The following ABI3BP variants were observed in gnomAD, a reference collection of about 807,000 sequenced individuals.
ABI3BP encodes target of Nesh-SH3.
Under a neutral mutation model 268.6 loss-of-function variants are expected in ABI3BP, and 216 were observed. The ratio of observed to expected loss-of-function variants is 0.80; its 90% confidence interval spans 0.72 to 0.90. The LOEUF is 0.90. Ranked by LOEUF, ABI3BP falls within the 40% of genes least tolerant of loss-of-function variation. The pLI is 0.00. For missense variants in ABI3BP, 2,090 were observed against 2,182.4 expected (o/e 0.96, Z 0.84); for synonymous variants, 730 against 730.0 (o/e 1.00, Z 0.00).
At chr3:100,882,150 A>G (rs1032872703) in intron 6 of ABI3BP, among the ~76,000 whole-genome samples, 8 of 152,204 alleles carry the variant, frequency 5.3e-5, no homozygotes, top group African/African-American at 1.9e-4. Context: ...GTTCATATGA[A>G]TAAAAAAAGT....
intron 63 of ABI3BP, 74 bp downstream of exon 63, chr3:100,765,767 A>T: frequency 3.8e-6 from 4 of 1,066,156 alleles, no homozygotes; most frequent in Non-Finnish European, 5.7e-6. Flanking sequence ...GAAGATGATT[A>T]TCATTTCTTT....
At chr3:100,897,072 C>T (rs1298835909) in intron 4 of ABI3BP, among the ~76,000 whole-genome samples, 1 of 123,066 alleles carries the variant, frequency 8.1e-6, no homozygotes, top group African/African-American at 3.0e-5. Context: ...CTACAAAAAA[C>T]ATAAACATGG....
Position 100,819,312 on chromosome 3 carries a change from G to T in ABI3BP, c.3032-731C>A, listed in dbSNP as rs113584208. Among the ~76,000 whole-genome samples the T allele has an allele frequency of 4.6e-5, 7 of 152,200 alleles. 1 individual carries two copies. The highest frequency in any genetic ancestry group is 1.4e-4 in the African/African-American group (6 of 41,534). On this transcript the variant is annotated intron_variant, in intron 40 of 67. Coordinates refer to ENST00000471714, the MANE Select transcript of ABI3BP (RefSeq NM_001375547.2). ...CCTGTCTGACTCTCTTCATCTTTAAGATTTTAAGACCCAACTTCTTTCCAA... is the reference window on the plus strand; with the variant it reads ...CCTGTCTGACTCTCTTCATCTTTAATATTTTAAGACCCAACTTCTTTCCAA...
At chr3:100,805,662 TAC>T (rs1346814027) in intron 50 of ABI3BP, among the ~76,000 whole-genome samples, 1 of 152,006 alleles carries the variant, frequency 6.6e-6, no homozygotes. Context: ...GGTTATTAAG[TAC>T]CAGAGTCAGG....
chr3:100,966,113 C>T (rs2081205411), intron 1 of ABI3BP, among the ~76,000 whole-genome samples: 1 of 152,184 alleles, frequency 6.6e-6, no homozygotes, highest in African/African-American at 2.4e-5. Flanking sequence ...TGTCTCTGTT[C>T]TCTAACCTGA....
At chr3:100,874,367 A>T (rs1173785044) in intron 9 of ABI3BP, among the ~76,000 whole-genome samples, 3 of 152,018 alleles carry the variant, frequency 2.0e-5, no homozygotes, top group Admixed American at 2.0e-4. Context: ...TTTTAAGTGG[A>T]TTTTCCGTTT....
At chr3:100,865,008 T>A (rs2099036097) in intron 10 of ABI3BP, 101 bp from the exon 11 acceptor site, 5 of 855,158 alleles carry the variant, frequency 5.8e-6, no homozygotes, top group Non-Finnish European at 9.3e-6. Context: ...GGCTGATATT[T>A]GTATAGCCCA....
In ABI3BP at chr3:100,829,666, T is replaced by G; in HGVS notation, c.2459-2A>C. 2 of 1,534,674 alleles carry G rather than the reference T, an allele frequency of 1.3e-6. No homozygotes were observed. Among genetic ancestry groups the G allele is most frequent in the African/African-American group, 1.4e-5 (1 of 73,072 alleles). On this transcript the variant is annotated splice_acceptor_variant, in intron 32 of 67. Coordinates refer to ENST00000471714, the MANE Select transcript of ABI3BP (RefSeq NM_001375547.2). LOFTEE classifies it high-confidence loss of function. The stretch of plus-strand genomic sequence containing the variant: ...GAGTTCGTTGAGGCACTTTGGGAGC[T>G]AAAGGAAGAAAACTTCAGGTTAATA...
chr3:100,816,628 G>T, intron 43 of ABI3BP, 60 bp downstream of exon 43: 2 of 1,341,126 alleles, frequency 1.5e-6, no homozygotes, highest in Non-Finnish European at 2.1e-6. Context: ...GGACTTTATT[G>T]GGACAGCCTG....
chr3:100,919,199 T>A (rs542832450), intron 2 of ABI3BP, among the ~76,000 whole-genome samples: 1 of 152,324 alleles, frequency 6.6e-6, no homozygotes, highest in South Asian at 2.1e-4. Flanking sequence ...TTCTTTATAT[T>A]CCCTATATAG....
intron 9 of ABI3BP, among the ~76,000 whole-genome samples, chr3:100,869,280 T>C (rs4928092): frequency 0.29 from 42,696 of 148,906 alleles, 6,487 homozygotes; most frequent in Middle Eastern, 0.38. Flanking sequence ...ATATTCTTTC[T>C]ATATTACTAA....
intron 1 of ABI3BP, among the ~76,000 whole-genome samples, chr3:100,983,091 C>T (rs1212879306): frequency 1.3e-5 from 2 of 152,184 alleles, no homozygotes; most frequent in Non-Finnish European, 2.9e-5. Flanking sequence ...TTCTTATCAG[C>T]TAACAGAATG....
At chr3:100,845,670 G>A (rs926539530) in intron 20 of ABI3BP, among the ~76,000 whole-genome samples, 11 of 149,698 alleles carry the variant, frequency 7.3e-5, no homozygotes, top group Non-Finnish European at 1.3e-4. Flanking sequence ...ACACTGAGTG[G>A]TGACAAGGTT....
chr3:100,749,573 G>A lies in ABI3BP; in HGVS notation c.*922C>T. On this transcript the variant is annotated 3_prime_UTR_variant, in exon 68 of 68. Coordinates refer to ENST00000471714, the MANE Select transcript of ABI3BP (RefSeq NM_001375547.2). ...ACAGATTGAATTAAACAGTTACAAA[G>A]ACATTCTCTGATACATTCATTCATA... The A allele has an allele frequency of 2.6e-6, 1 of 386,032 alleles. No individual in the cohort carries two copies. Among genetic ancestry groups the A allele is most frequent in the Non-Finnish European group, 4.6e-6 (1 of 219,180 alleles). The allele number at this position is 386,032 out of a possible 1,614,324, so 23.9% of individuals were successfully genotyped here. A position where few individuals can be genotyped will look rare whatever the true frequency, so the allele number is the denominator to read the frequency against.
At chr3:100,764,390 CGT>C (rs1466732373) in intron 63 of ABI3BP, among the ~76,000 whole-genome samples, 1 of 152,138 alleles carries the variant, frequency 6.6e-6, no homozygotes, top group Admixed American at 6.5e-5. Context: ...CATGTTTATT[CGT>C]GTGTGTAGCC....
At chr3:100,867,086 A>G in intron 9 of ABI3BP, 130 bp from the exon 10 acceptor site, 1 of 657,154 alleles carries the variant, frequency 1.5e-6, no homozygotes. Flanking sequence ...CAACAACTTT[A>G]TTGTGTATCT....
At chr3:100,976,625 T>C (rs2086349061) in intron 1 of ABI3BP, among the ~76,000 whole-genome samples, 1 of 152,196 alleles carries the variant, frequency 6.6e-6, no homozygotes, top group Admixed American at 6.5e-5. Context: ...GATGAGAAAT[T>C]TCATAATGCC....
chr3:100,948,727 G>T (rs2073641778), intron 1 of ABI3BP, among the ~76,000 whole-genome samples: 1 of 152,030 alleles, frequency 6.6e-6, no homozygotes, highest in African/African-American at 2.4e-5. Flanking sequence ...AAATAATACT[G>T]GTTGAGTATC....
intron 9 of ABI3BP, among the ~76,000 whole-genome samples, chr3:100,872,113 G>T (rs1302716125): frequency 6.6e-6 from 1 of 152,104 alleles, no homozygotes; most frequent in African/African-American, 2.4e-5. Context: ...CAAAGTGCTG[G>T]GGTTACAGGC....
Sources: allele counts gnomAD v4.1 joint callset (sites outside exome capture counted in the v4.1 genomes callset), GRCh38; gene constraint gnomAD v4.1.1; transcripts MANE v1.5; gene names NCBI Gene and HGNC (gene_info 2026-07-23, HGNC 2026-07-21).